PLEKHA8: variants seen among roughly 807,000 people sequenced by gnomAD.
PLEKHA8 encodes pleckstrin homology domain-containing family A member 8.
Under a neutral mutation model 68.2 loss-of-function variants are expected in PLEKHA8, and 36 were observed. The observed-to-expected ratio is 0.53, with a 90% CI of 0.40 to 0.70. The LOEUF (loss-of-function observed/expected upper bound fraction) is 0.70. Ranked by LOEUF, PLEKHA8 falls within the 30% of genes least tolerant of loss-of-function variation. The probability of loss-of-function intolerance (pLI) is 0.00; values close to 1 mark genes in which losing one functional copy is unlikely to be tolerated. For synonymous variants in PLEKHA8, 211 were observed against 216.1 expected (o/e 0.98, Z 0.20); for missense variants, 505 against 615.4 (o/e 0.82, Z 1.90).
intron 1 of PLEKHA8, among the ~76,000 whole-genome samples, chr7:30,035,335 G>A (rs776908953): frequency 5.3e-5 from 8 of 152,112 alleles, no homozygotes; most frequent in South Asian, 2.1e-4. Flanking sequence ...TTTCTGGGTC[G>A]TGCCCATTAG....
At chr7:30,095,796 T>G (rs201852670) in intron 13 of PLEKHA8, among the ~76,000 whole-genome samples, 39 of 152,210 alleles carry the variant, frequency 2.6e-4, no homozygotes, top group Admixed American at 5.2e-4. Flanking sequence ...TTTCCCCATT[T>G]CTTGTTTTTG....
At chr7:30,045,307 A>T in intron 2 of PLEKHA8, 106 bp downstream of exon 2, 1 of 774,468 alleles carries the variant, frequency 1.3e-6, no homozygotes, top group South Asian at 1.9e-5. Context: ...CCCATAATAC[A>T]GACCAAGGGA....
chr7:30,074,034 T>A, intron 12 of PLEKHA8, 37 bp from the exon 13 acceptor site: 1 of 1,557,614 alleles, frequency 6.4e-7, no homozygotes, highest in Non-Finnish European at 8.8e-7. Context: ...CAAATTCTGA[T>A]GAAAGTGTTC....
At chr7:30,115,103 C>T (rs756672583) in intron 13 of PLEKHA8, among the ~76,000 whole-genome samples, 16 of 152,176 alleles carry the variant, frequency 1.1e-4, no homozygotes, top group African/African-American at 3.4e-4. Context: ...CTCTTTGTTA[C>T]TGACACACCT....
At chr7:30,121,976 G>A (rs983097009) in intron 13 of PLEKHA8, among the ~76,000 whole-genome samples, 4 of 152,210 alleles carry the variant, frequency 2.6e-5, no homozygotes, top group African/African-American at 9.6e-5. Context: ...GAAGAGGGCT[G>A]AACTAGGTGG....
chr7:30,063,648 C>T (rs1379605623), intron 12 of PLEKHA8, among the ~76,000 whole-genome samples: 4 of 152,250 alleles, frequency 2.6e-5, no homozygotes, highest in South Asian at 2.1e-4. Context: ...TCTGCCCCCA[C>T]GTGATTTCCC....
intron 13 of PLEKHA8, among the ~76,000 whole-genome samples, chr7:30,118,533 T>C (rs542201331): frequency 6.6e-6 from 1 of 152,008 alleles, no homozygotes; most frequent in South Asian, 2.1e-4. Context: ...CTGCCATGGC[T>C]GCTTCTTACT....
intron 7 of PLEKHA8, among the ~76,000 whole-genome samples, chr7:30,053,731 T>C (rs1792602939): frequency 1.3e-5 from 2 of 152,216 alleles, no homozygotes; most frequent in African/African-American, 4.8e-5. Context: ...GATAGGGATG[T>C]TCTTTGTGGC....
chr7:30,098,271 T>C (rs1289158310), intron 13 of PLEKHA8, among the ~76,000 whole-genome samples: 1 of 152,094 alleles, frequency 6.6e-6, no homozygotes, highest in Non-Finnish European at 1.5e-5. Context: ...TACTCGGGGG[T>C]CAGGGACCCA....
chr7:30,079,460 A>G lies in PLEKHA8; in HGVS notation c.*673A>G. 1.0e-6 allele frequency: 1 copy of G among 985,452 alleles called. No individual in the cohort carries two copies. The highest frequency in any genetic ancestry group is 4.7e-5 in the South Asian group (1 of 21,290). The allele number at this position is 985,452 out of a possible 1,614,324, so 61.0% of individuals were successfully genotyped here. ...CCCTAGCCCCAAGTTGGAGGGGAGA[A>G]TATGAGAGAGGTGGGACAGGTCATT... On this transcript the variant is annotated 3_prime_UTR_variant, in exon 14 of 14. Transcript: ENST00000449726.
At chr7:30,110,433 G>C (rs895844406) in intron 13 of PLEKHA8, among the ~76,000 whole-genome samples, 1 of 152,094 alleles carries the variant, frequency 6.6e-6, no homozygotes, top group Non-Finnish European at 1.5e-5. Flanking sequence ...ATGAGCATTT[G>C]GACTGTTTCC....
intron 1 of PLEKHA8, 41 bp from the exon 2 acceptor site, chr7:30,045,044 A>G (rs777183119): frequency 2.1e-6 from 3 of 1,410,670 alleles, no homozygotes; most frequent in Non-Finnish European, 3.0e-6. Flanking sequence ...TAGTTCATAC[A>G]CAGGCAGTAA....
rs1303905573 is a variant in PLEKHA8, at chr7:30,083,508, G to A, written c.*4721G>A. On this transcript the variant is annotated 3_prime_UTR_variant, in exon 14 of 14. Coordinates refer to ENST00000449726, the MANE Select transcript of PLEKHA8 (RefSeq NM_001197026.2). ...TCCTGTGTACAGTGACTATTTGCAT[G>A]ATTTCTCATTGCACTGCTGCATTCA... 3 of 985,030 alleles carry A rather than the reference G, an allele frequency of 3.0e-6. No individual in the cohort carries two copies. The African/African-American group carries it at 5.2e-5, about 17-fold the overall frequency. The allele number at this position is 985,030 out of a possible 1,614,324, so 61.0% of individuals were successfully genotyped here.
At chr7:30,062,891 A>G (rs777305044) in intron 12 of PLEKHA8, 149 bp downstream of exon 12, 1 of 606,688 alleles carries the variant, frequency 1.6e-6, no homozygotes, top group Non-Finnish European at 2.8e-6. Context: ...TGCTTCTTAT[A>G]TGCTTTGTTT....
chr7:30,095,708 G>GT (rs1163248228), downstream of PLEKHA8, among the ~76,000 whole-genome samples: 1 of 152,198 alleles, frequency 6.6e-6, no homozygotes, highest in Non-Finnish European at 1.5e-5. Flanking sequence ...TGTATAAGGT[G>GT]TAAGGAAGGG....
chr7:30,116,232 A>G (rs1176475887), intron 13 of PLEKHA8, among the ~76,000 whole-genome samples: 1 of 149,252 alleles, frequency 6.7e-6, no homozygotes, highest in Non-Finnish European at 1.5e-5. Context: ...ATACGTATAC[A>G]TGTATGCGTA....
intron 13 of PLEKHA8, among the ~76,000 whole-genome samples, chr7:30,115,082 C>T (rs1194171955): frequency 6.6e-6 from 1 of 152,004 alleles, no homozygotes; most frequent in Non-Finnish European, 1.5e-5. Context: ...ACATCCTTAC[C>T]ACTCACTTCT....
chr7:30,128,091 ATTTTTTTT>A (rs35173428), intron 13 of PLEKHA8, among the ~76,000 whole-genome samples: 1 of 122,720 alleles, frequency 8.1e-6, no homozygotes, highest in Admixed American at 8.0e-5. Context: ...GTTTTACTGT[ATTTTTTTT>A]TTTTTTTTTT....
intron 1 of PLEKHA8, among the ~76,000 whole-genome samples, chr7:30,036,437 TAGATAGATA>T (rs1411801762): frequency 2.0e-5 from 3 of 151,502 alleles, no homozygotes; most frequent in Non-Finnish European, 2.9e-5. Context: ...GATAGATAGA[TAGATAGATA>T]GATAGATAGA....
Sources: allele counts gnomAD v4.1 joint callset (sites outside exome capture counted in the v4.1 genomes callset), GRCh38; gene constraint gnomAD v4.1.1; transcripts MANE v1.5; gene names NCBI Gene and HGNC (gene_info 2026-07-23, HGNC 2026-07-21).